The following ZSCAN31 variants were observed in gnomAD, a reference collection of about 807,000 sequenced individuals.
ZSCAN31 encodes the protein zinc finger and SCAN domain containing 31.
In ZSCAN31, 14 loss-of-function variants were observed where a neutral mutation model predicts 22.5. The ratio of observed to expected loss-of-function variants is 0.62; its 90% confidence interval spans 0.41 to 0.97. The LOEUF (loss-of-function observed/expected upper bound fraction) is 0.97, where lower values mean the gene tolerates loss of function less well. Among genes scored for constraint, ZSCAN31 ranks in the 50% least tolerant of loss-of-function variants. The pLI is 0.00. For missense variants in ZSCAN31, 424 were observed against 483.4 expected (o/e 0.88, Z 1.15); for synonymous variants, 168 against 169.8 (o/e 0.99, Z 0.08).
intron 2 of ZSCAN31, among the ~76,000 whole-genome samples, chr6:28,343,644 C>T (rs6456816): frequency 0.31 from 45,683 of 148,396 alleles, 8,876 homozygotes; most frequent in African/African-American, 0.55. Flanking sequence ...CCCGGGTTCA[C>T]GCCATTCTCC....
chr6:28,346,738 C>T (rs904672883), intron 2 of ZSCAN31, among the ~76,000 whole-genome samples: 1 of 152,022 alleles, frequency 6.6e-6, no homozygotes, highest in African/African-American at 2.4e-5. Context: ...GTGTTTTGGT[C>T]ACCTACAAGG....
In ZSCAN31 at chr6:28,331,688, A is replaced by AT. The variant is rs945991054; in HGVS notation, c.-95-1911dup. 6.6e-6 allele frequency among the ~76,000 whole-genome samples: 1 copy of AT among 152,200 alleles called. No homozygotes were observed. The highest frequency in any genetic ancestry group is 2.4e-5 in the African/African-American group (1 of 41,442). Reference sequence around the variant, plus strand: ...AAAGTCTGAAAATTTCTAATTATGAATTTGTATTGGATTCCATTATTATTA... The same window carrying AT: ...AAAGTCTGAAAATTTCTAATTATGAATTTTGTATTGGATTCCATTATTATTA... On this transcript the variant is annotated intron_variant, in intron 1 of 3. Coordinates refer to ENST00000344279, the MANE Select transcript of ZSCAN31 (RefSeq NM_030899.5). The surrounding 1 kb of genome is among the most constrained non-coding windows in gnomAD (Gnocchi z 4.8).
rs752808108 is a variant in ZSCAN31 at position 28,326,216 on chromosome 6, G to A, written c.1171C>T (p.Arg391Trp). ...CSQCSKLFSK[R>W]TLLKKHQKIH... The stretch of plus-strand genomic sequence containing the variant: ...TTCTGATGTTTCTTAAGAAGTGTCC[G>A]CTTACTAAAGAGTTTACTGCACTGA... The change falls in exon 4 of 4, where the codon CGG (arginine) becomes TGG (tryptophan). Residue 391 changes from arginine (R) to tryptophan (W), a missense_variant. Transcript: ENST00000344279. The A allele has an allele frequency of 2.3e-5, 37 of 1,612,438 alleles. No individual in the cohort carries two copies. The highest frequency in any genetic ancestry group is 1.1e-4 in the South Asian group (10 of 91,022).
chr6:28,349,027 G>T lies in ZSCAN31; in HGVS notation c.-371+4835C>A, dbSNP rs1764777994. Among the ~76,000 whole-genome samples the T allele has an allele frequency of 1.7e-5, 2 of 117,882 alleles. No homozygotes were observed. Among genetic ancestry groups the T allele is most frequent in the African/African-American group, 3.3e-5 (1 of 30,174 alleles). The allele number at this position is 117,882 out of a possible 152,430, so 77.3% of individuals were successfully genotyped here. On this transcript the variant is annotated intron_variant, in intron 2 of 7. Coordinates refer to the ZSCAN31 transcript ENST00000396838. The surrounding 1 kb of genome is among the most constrained non-coding windows in gnomAD (Gnocchi z 4.1). ...CTCATATACATAGGTGTATATACAT[G>T]TCTCATATACATAGGTGTATATACA...
chr6:28,338,310 A>T (rs1764280688), upstream of ZSCAN31, among the ~76,000 whole-genome samples: 4 of 152,206 alleles, frequency 2.6e-5, no homozygotes, highest in South Asian at 8.3e-4. Flanking sequence ...TTGAGCCTGG[A>T]AGGTGGGGTT....
intron 2 of ZSCAN31, among the ~76,000 whole-genome samples, chr6:28,345,486 C>G (rs886494588): frequency 1.3e-5 from 2 of 152,168 alleles, no homozygotes; most frequent in Non-Finnish European, 2.9e-5. Context: ...CTGGCTACAA[C>G]TGAATGTCCA....
At chr6:28,327,143 A>G (rs186051684) in intron 3 of ZSCAN31, among the ~76,000 whole-genome samples, 2 of 152,302 alleles carry the variant, frequency 1.3e-5, no homozygotes, top group East Asian at 3.9e-4. Context: ...AGTGTTTTAC[A>G]TATGTTAACT....
In ZSCAN31 at chr6:28,329,284, T is replaced by A. The variant is rs750492870; in HGVS notation, c.381+19A>T. 1.9e-6 allele frequency: 3 copies of A among 1,546,336 alleles called. No individual in the cohort carries two copies. The highest frequency in any genetic ancestry group is 2.6e-6 in the Non-Finnish European group (3 of 1,151,802). ...TCATTTAGTATTTAATGTCTAGAAGTCCATCTTTCTCCTCTCACCTGGTTC... is the reference window on the plus strand; with the variant it reads ...TCATTTAGTATTTAATGTCTAGAAGACCATCTTTCTCCTCTCACCTGGTTC... On this transcript the variant is annotated intron_variant, in intron 2 of 3. Coordinates refer to ENST00000344279, the MANE Select transcript of ZSCAN31 (RefSeq NM_030899.5).
At chr6:28,354,961 A>C (rs565514684), upstream of ZSCAN31, among the ~76,000 whole-genome samples, 13 of 152,322 alleles carry the variant, frequency 8.5e-5, no homozygotes, top group South Asian at 1.9e-3. Flanking sequence ...CCCTGAGTTC[A>C]GTTTATTAGC....
At chr6:28,354,666 G>C (rs1386664558), upstream of ZSCAN31, among the ~76,000 whole-genome samples, 1 of 152,236 alleles carries the variant, frequency 6.6e-6, no homozygotes, top group African/African-American at 2.4e-5. Flanking sequence ...TCACTACATG[G>C]TGATGTTACC....
In ZSCAN31 at chr6:28,326,351, T is replaced by A. The variant is rs1466809200; in HGVS notation, c.1036A>T (p.Thr346Ser). 1.9e-6 allele frequency: 3 copies of A among 1,614,254 alleles called. No homozygotes were observed. The South Asian group carries it at 3.3e-5, about 18-fold the overall frequency. The change falls in exon 4 of 4, where the codon ACT (threonine) becomes TCT (serine). Residue 346 changes from threonine (T) to serine (S), a missense_variant. By Grantham distance (58) the Thr-to-Ser change is moderately conservative. Coordinates refer to ENST00000344279, the MANE Select transcript of ZSCAN31 (RefSeq NM_030899.5). ...CGACACTGATAGCGCTTCTCTCCAG[T>A]GTGTATCCTCTGATGCTGAACAAGG... Reference protein sequence around the residue: ...SCLVQHQRIHTGEKRYQCREC... With the variant: ...SCLVQHQRIHSGEKRYQCREC...
chr6:28,334,433 G>GA (rs1484145814), intron 1 of ZSCAN31, among the ~76,000 whole-genome samples: 1 of 152,100 alleles, frequency 6.6e-6, no homozygotes, highest in Non-Finnish European at 1.5e-5. Context: ...GCATAAAAGA[G>GA]AATGTTTTCA....
At chr6:28,327,639 G>A in intron 2 of ZSCAN31, 106 bp from the exon 3 acceptor site, 1 of 1,289,858 alleles carries the variant, frequency 7.8e-7, no homozygotes, top group Non-Finnish European at 1.1e-6. Context: ...TTTCTAGAGA[G>A]ATGTCACAGT....
At chr6:28,332,692 T>TTA (rs1261488435) in intron 1 of ZSCAN31, among the ~76,000 whole-genome samples, 2 of 152,350 alleles carry the variant, frequency 1.3e-5, no homozygotes, top group African/African-American at 4.8e-5. Flanking sequence ...ACTTCATATG[T>TTA]TAATAGTCAG....
chr6:28,333,562 G>A lies in ZSCAN31; in HGVS notation c.-96+2520C>T, dbSNP rs1763919249. Among the ~76,000 whole-genome samples the A allele has an allele frequency of 2.6e-5, 4 of 152,306 alleles. No homozygotes were observed. The highest frequency in any genetic ancestry group is 4.1e-4 in the South Asian group (2 of 4,826). On this transcript the variant is annotated intron_variant, in intron 1 of 3. Transcript: ENST00000344279. This position sits in a 1 kb window ranked among gnomAD's most constrained non-coding sequence, Gnocchi z 4.1. ...ACCAAATAAATGGACAGCCTATTTAGATGGGGTAGTGGGAAGTGAGGTAAC... is the reference window on the plus strand; with the variant it reads ...ACCAAATAAATGGACAGCCTATTTAAATGGGGTAGTGGGAAGTGAGGTAAC...
At chr6:28,343,433 C>G (rs1378043239) in intron 2 of ZSCAN31, among the ~76,000 whole-genome samples, 1 of 151,984 alleles carries the variant, frequency 6.6e-6, no homozygotes, top group Non-Finnish European at 1.5e-5. Flanking sequence ...CAAAGCCAGG[C>G]AGACTCTAAA....
intron 1 of ZSCAN31, among the ~76,000 whole-genome samples, chr6:28,332,964 A>G (rs1347233708): frequency 6.6e-6 from 1 of 152,260 alleles, no homozygotes; most frequent in Non-Finnish European, 1.5e-5. Context: ...AAGGGGATAA[A>G]GAGAAAGACA....
chr6:28,328,658 G>A (rs1482857977), intron 2 of ZSCAN31, among the ~76,000 whole-genome samples: 2 of 152,072 alleles, frequency 1.3e-5, no homozygotes, highest in Non-Finnish European at 2.9e-5. Flanking sequence ...GGGTCCTGAG[G>A]CAATATACAT....
chr6:28,348,977 CAT>C (rs1290871381), intron 2 of ZSCAN31, among the ~76,000 whole-genome samples: 3 of 143,396 alleles, frequency 2.1e-5, no homozygotes, highest in African/African-American at 5.2e-5. Context: ...ATACATGTCT[CAT>C]ATACATAGGT....
Sources: gnomAD v4.1 joint callset for allele counts (sites outside exome capture counted in the v4.1 genomes callset) on GRCh38, gnomAD v4.1.1 for gene constraint, Gnocchi (gnomAD v3.1) non-coding constraint, MANE v1.5 for transcripts, NCBI Gene and HGNC (gene_info 2026-07-23, HGNC 2026-07-21) for gene names.